The following DNAI7 variants were observed in gnomAD, a reference collection of about 807,000 sequenced individuals.
The protein encoded by DNAI7 is cancer susceptibility 1.
In DNAI7, 78 loss-of-function variants were observed where a neutral mutation model predicts 86.6. The observed-to-expected ratio is 0.90, with a 90% CI of 0.75 to 1.09. The LOEUF (loss-of-function observed/expected upper bound fraction) is 1.09. Ranked by LOEUF, DNAI7 falls within the 50% of genes least tolerant of loss-of-function variation. The probability of loss-of-function intolerance (pLI) is 0.00; values close to 1 mark genes in which losing one functional copy is unlikely to be tolerated. For synonymous variants in DNAI7, 274 were observed against 273.0 expected (o/e 1.00, Z -0.04); for missense variants, 753 against 810.2 (o/e 0.93, Z 0.86).
intron 2 of DNAI7, among the ~76,000 whole-genome samples, chr12:25,166,773 C>T (rs1015239438): frequency 2.0e-5 from 3 of 152,126 alleles, no homozygotes; most frequent in Non-Finnish European, 4.4e-5. Flanking sequence ...TTAGCCTAGC[C>T]CTCATGTCTG....
intron 7 of DNAI7, 84 bp from the exon 8 acceptor site, chr12:25,147,188 G>A: frequency 1.4e-6 from 1 of 705,090 alleles, no homozygotes; most frequent in Non-Finnish European, 2.5e-6. Context: ...TCACTTATGT[G>A]TTGGATTCCC....
chr12:25,175,984 G>A (rs1948913850), intron 2 of DNAI7, among the ~76,000 whole-genome samples: 1 of 152,032 alleles, frequency 6.6e-6, no homozygotes, highest in African/African-American at 2.4e-5. Context: ...GGAGGCTGAG[G>A]TAGGAGAACT....
intron 4 of DNAI7, among the ~76,000 whole-genome samples, chr12:25,156,067 G>A (rs199885288): frequency 4.6e-5 from 7 of 151,274 alleles, no homozygotes; most frequent in Non-Finnish European, 1.0e-4. Context: ...TCGCGCAACC[G>A]CACTCCAGCC....
At chr12:25,125,062 G>A (rs1335330868) in intron 9 of DNAI7, among the ~76,000 whole-genome samples, 3 of 152,120 alleles carry the variant, frequency 2.0e-5, no homozygotes, top group African/African-American at 7.2e-5. Flanking sequence ...CTATTGTGAA[G>A]AGTGCTACAA....
At chr12:25,181,027 C>T (rs1186821278) in intron 2 of DNAI7, among the ~76,000 whole-genome samples, 2 of 152,132 alleles carry the variant, frequency 1.3e-5, no homozygotes, top group South Asian at 2.1e-4. Context: ...AGGCTGATCT[C>T]GAACTCCTGA....
chr12:25,184,891 G>A (rs145803181), intron 2 of DNAI7, among the ~76,000 whole-genome samples: 59 of 151,530 alleles, frequency 3.9e-4, no homozygotes, highest in African/African-American at 1.3e-3. Flanking sequence ...CCAGCACTTC[G>A]GGAGGTCAAA....
intron 2 of DNAI7, among the ~76,000 whole-genome samples, chr12:25,169,815 T>C (rs1409154403): frequency 2.2e-5 from 3 of 136,330 alleles, no homozygotes; most frequent in African/African-American, 8.6e-5. Context: ...ACCACTGTAC[T>C]CCAGCCTGGG....
chr12:25,146,937 C>T lies in DNAI7; in HGVS notation c.689+64G>A, dbSNP rs943797261. The T allele has an allele frequency of 4.7e-6, 4 of 845,872 alleles. No homozygotes were observed. The South Asian group carries it at 5.7e-5, about 12-fold the overall frequency. 52.4% of individuals were successfully genotyped at this position (845,872 alleles called of 1,614,324 possible). ...TGCTATGCAATAGGCATCTATCTGGCAATCATGATGTGGCTCAATGTCTTT... is the reference window on the plus strand; with the variant it reads ...TGCTATGCAATAGGCATCTATCTGGTAATCATGATGTGGCTCAATGTCTTT... On this transcript the variant is annotated intron_variant, in intron 8 of 15. Coordinates refer to ENST00000395987, the MANE Select transcript of DNAI7 (RefSeq NM_018272.5).
chr12:25,194,787 G>C lies in DNAI7; in HGVS notation c.3+289C>G, dbSNP rs914318565. On this transcript the variant is annotated intron_variant, in intron 1 of 15. Coordinates refer to ENST00000395987, the MANE Select transcript of DNAI7 (RefSeq NM_018272.5). Reference sequence around the variant, plus strand: ...GTCTATCACTACTGAAAGTTACTAGGTTGGGACCAATTTTCAAGCTTAGCA... The same window carrying C: ...GTCTATCACTACTGAAAGTTACTAGCTTGGGACCAATTTTCAAGCTTAGCA... The C allele has an allele frequency of 8.7e-6, 11 of 1,270,894 alleles. No individual in the cohort carries two copies. The African/African-American group carries it at 1.0e-4, about 12-fold the overall frequency. The allele number at this position is 1,270,894 out of a possible 1,614,324, so 78.7% of individuals were successfully genotyped here.
rs755704028 is a variant in DNAI7, at chr12:25,144,452, C to T, written c.915G>A (p.Glu305=). 6.2e-7 allele frequency: 1 copy of T among 1,613,990 alleles called. No homozygotes were observed. ...EKAISKEVEE[E]SKQQERGSHL... ...GAGACCCTCTTTCTTGTTGTTTGGA[C>T]TCTTCTTCGACCTCCTTGCTGATTG... Residue 305 remains glutamate (E), a synonymous_variant, in exon 9 of 16, where the codon GAG becomes GAA. Coordinates refer to ENST00000395987, the MANE Select transcript of DNAI7 (RefSeq NM_018272.5).
intron 2 of DNAI7, among the ~76,000 whole-genome samples, chr12:25,186,874 G>T (rs1281171469): frequency 3.9e-5 from 6 of 151,980 alleles, no homozygotes; most frequent in Admixed American, 3.9e-4. Flanking sequence ...CTGTGTCCTT[G>T]TATCCTTAGA....
intron 2 of DNAI7, among the ~76,000 whole-genome samples, chr12:25,163,407 A>G (rs1284278092): frequency 1.3e-5 from 2 of 152,052 alleles, no homozygotes; most frequent in Non-Finnish European, 2.9e-5. Flanking sequence ...AAGCTCTCCT[A>G]CTGAGCACCT....
Position 25,115,048 on chromosome 12 carries a change from C to A in DNAI7, c.1397-178G>T, listed in dbSNP as rs368149446. On this transcript the variant is annotated intron_variant, in intron 12 of 15. Coordinates refer to ENST00000395987, the MANE Select transcript of DNAI7 (RefSeq NM_018272.5). ...CCCCTGACTACAGGATCAAGTCCCA[C>A]CTCCTCAGCATGGTAAGACCTTCAG... Among the ~76,000 whole-genome samples, 234 of 152,356 alleles carry A rather than the reference C, an allele frequency of 1.5e-3. 1 individual carries two copies. The highest frequency in any genetic ancestry group is 0.014 in the South Asian group (68 of 4,830).
At chr12:25,150,281 T>C (rs145162323) in intron 6 of DNAI7, among the ~76,000 whole-genome samples, 1 of 152,168 alleles carries the variant, frequency 6.6e-6, no homozygotes, top group Admixed American at 6.5e-5. Context: ...GGCAAACACC[T>C]TAACCATGTG....
intron 2 of DNAI7, among the ~76,000 whole-genome samples, chr12:25,190,381 A>T (rs1466424327): frequency 2.0e-5 from 3 of 152,218 alleles, no homozygotes. Flanking sequence ...GTAAAAATTA[A>T]AAGCTATTTT....
rs1479101558 is a variant in DNAI7, at chr12:25,155,378, A to T, written c.233T>A (p.Leu78His). 6.2e-7 allele frequency: 1 copy of T among 1,602,172 alleles called. No homozygotes were observed. Among genetic ancestry groups the T allele is most frequent in the Non-Finnish European group, 8.5e-7 (1 of 1,171,630 alleles). ...AGGAAAACACCTCTCTAATAAATAA[A>T]GTTCTTCAAGTTCTTCATTTCTCCT... The part of the protein sequence containing the change: ...LERRNEELEE[L>H]YLLERCFPEA... Residue 78 changes from leucine (L) to histidine (H), a missense_variant, in exon 5 of 16, where the codon CTT becomes CAT. Coordinates refer to ENST00000395987, the MANE Select transcript of DNAI7 (RefSeq NM_018272.5).
At chr12:25,176,901 CTTT>C (rs761004608) in intron 2 of DNAI7, among the ~76,000 whole-genome samples, 1 of 118,108 alleles carries the variant, frequency 8.5e-6, no homozygotes. Context: ...TAACCATTTT[CTTT>C]TTTTTTTTTT....
At chr12:25,150,801 C>T (rs1945446233) in intron 6 of DNAI7, among the ~76,000 whole-genome samples, 1 of 151,956 alleles carries the variant, frequency 6.6e-6, no homozygotes, top group Non-Finnish European at 1.5e-5. Context: ...GGCAACTTGT[C>T]ATTACCTAAG....
intron 9 of DNAI7, among the ~76,000 whole-genome samples, chr12:25,138,586 T>C (rs1342860760): frequency 6.6e-6 from 1 of 152,138 alleles, no homozygotes; most frequent in East Asian, 1.9e-4. Flanking sequence ...GAAAATTAAA[T>C]AATCTGCTCC....
Sources: gnomAD v4.1 joint callset for allele counts (sites outside exome capture counted in the v4.1 genomes callset) on GRCh38, gnomAD v4.1.1 for gene constraint, MANE v1.5 for transcripts, NCBI Gene and HGNC (gene_info 2026-07-23, HGNC 2026-07-21) for gene names.